The following DOK6 variants were observed in gnomAD, a reference collection of about 807,000 sequenced individuals.
The protein encoded by DOK6 is downstream of tyrosine kinase 6.
Under a neutral mutation model 44.0 loss-of-function variants are expected in DOK6, and 22 were observed. The observed-to-expected ratio is 0.50, with a 90% CI of 0.36 to 0.71. The LOEUF (loss-of-function observed/expected upper bound fraction) is 0.71, where lower values mean the gene tolerates loss of function less well. Ranked by LOEUF, DOK6 falls within the 30% of genes least tolerant of loss-of-function variation. DOK6 has a pLI of 0.00. For synonymous variants in DOK6, 166 were observed against 145.5 expected (o/e 1.14, Z -1.01); for missense variants, 340 against 416.4 (o/e 0.82, Z 1.60).
At chr18:69,748,732 G>A (rs1007579008) in intron 6 of DOK6, among the ~76,000 whole-genome samples, 2 of 152,166 alleles carry the variant, frequency 1.3e-5, no homozygotes, top group African/African-American at 4.8e-5. Flanking sequence ...TTCAACCATT[G>A]TGGAACATGG....
intron 2 of DOK6, among the ~76,000 whole-genome samples, chr18:69,568,477 C>T (rs1983038647): frequency 6.6e-6 from 1 of 152,290 alleles, no homozygotes; most frequent in East Asian, 1.9e-4. Context: ...GATCTGGAAT[C>T]AAGGGAATGA....
At chr18:69,455,001 T>C (rs1309885305) in intron 1 of DOK6, among the ~76,000 whole-genome samples, 2 of 147,626 alleles carry the variant, frequency 1.4e-5, no homozygotes, top group African/African-American at 5.0e-5. Flanking sequence ...ATGGCACATG[T>C]ATACATATGT....
intron 1 of DOK6, among the ~76,000 whole-genome samples, chr18:69,542,246 T>C (rs1383125875): frequency 6.6e-6 from 1 of 151,194 alleles, no homozygotes; most frequent in African/African-American, 2.4e-5. Flanking sequence ...TTTAGTATTA[T>C]GCCAAACTTT....
intron 2 of DOK6, among the ~76,000 whole-genome samples, chr18:69,585,377 C>T (rs989549682): frequency 5.3e-5 from 8 of 152,044 alleles, no homozygotes; most frequent in African/African-American, 1.4e-4. Flanking sequence ...TTTGAACTTA[C>T]TAAGACTTTT....
At chr18:69,836,562 A>G (rs1372833109) in intron 7 of DOK6, among the ~76,000 whole-genome samples, 1 of 152,250 alleles carries the variant, frequency 6.6e-6, no homozygotes, top group African/African-American at 2.4e-5. Flanking sequence ...TAAAACAAAC[A>G]TGAATGCACA....
chr18:69,614,683 A>G (rs1984243588), intron 3 of DOK6, among the ~76,000 whole-genome samples: 1 of 152,008 alleles, frequency 6.6e-6, no homozygotes, highest in African/African-American at 2.4e-5. Context: ...TTTGTTTTGC[A>G]TCCGTGTTAC....
At chr18:69,492,846 T>TTTTTTTTG (rs1980775145) in intron 1 of DOK6, among the ~76,000 whole-genome samples, 2 of 149,754 alleles carry the variant, frequency 1.3e-5, no homozygotes, top group Non-Finnish European at 3.0e-5. Context: ...TTTGGATTTT[T>TTTTTTTTG]AAGGATGGTG....
intron 1 of DOK6, among the ~76,000 whole-genome samples, chr18:69,447,368 T>A (rs1051939777): frequency 2.6e-5 from 4 of 152,192 alleles, no homozygotes; most frequent in African/African-American, 9.7e-5. Flanking sequence ...TGGTTGTAGA[T>A]GTGTGGAGTT....
intron 7 of DOK6, among the ~76,000 whole-genome samples, chr18:69,779,063 G>A (rs1980170763): frequency 1.3e-5 from 2 of 152,086 alleles, no homozygotes; most frequent in Admixed American, 1.3e-4. Context: ...AGCATTAGAT[G>A]CTTATTGCCA....
intron 3 of DOK6, among the ~76,000 whole-genome samples, chr18:69,613,533 A>G (rs1475031400): frequency 6.6e-6 from 1 of 152,208 alleles, no homozygotes; most frequent in Non-Finnish European, 1.5e-5. Flanking sequence ...ATGAAGAGAA[A>G]TAAAGGGAAA....
At chr18:69,650,802 T>C (rs1985204129) in intron 3 of DOK6, among the ~76,000 whole-genome samples, 1 of 152,230 alleles carries the variant, frequency 6.6e-6, no homozygotes, top group South Asian at 2.1e-4. Context: ...AAAAAATTTG[T>C]CTTCCAACTC....
At chr18:69,451,964 A>G (rs1979480525) in intron 1 of DOK6, among the ~76,000 whole-genome samples, 1 of 133,494 alleles carries the variant, frequency 7.5e-6, no homozygotes, top group African/African-American at 2.8e-5. Context: ...AAAGCAGGAA[A>G]GATCCAAAAT....
At chr18:69,803,033 A>G (rs980665956) in intron 7 of DOK6, among the ~76,000 whole-genome samples, 1 of 152,130 alleles carries the variant, frequency 6.6e-6, no homozygotes, top group South Asian at 2.1e-4. Context: ...TAGCTATTAA[A>G]TGATATATGA....
intron 7 of DOK6, among the ~76,000 whole-genome samples, chr18:69,787,836 A>G (rs546153268): frequency 6.6e-6 from 1 of 152,218 alleles, no homozygotes; most frequent in Non-Finnish European, 1.5e-5. Context: ...CTTTATTGTC[A>G]TACTTAAAAG....
At chr18:69,762,052 C>T (rs983065746) in intron 7 of DOK6, among the ~76,000 whole-genome samples, 4 of 152,138 alleles carry the variant, frequency 2.6e-5, no homozygotes, top group Non-Finnish European at 5.9e-5. Context: ...GAAAGTTCAA[C>T]TTGGAAGAGG....
chr18:69,754,678 A>G (rs1428631862), intron 6 of DOK6, among the ~76,000 whole-genome samples: 1 of 152,158 alleles, frequency 6.6e-6, no homozygotes, highest in Non-Finnish European at 1.5e-5. Flanking sequence ...TTAGATGGGC[A>G]CTTCCTTGCT....
intron 3 of DOK6, among the ~76,000 whole-genome samples, chr18:69,617,407 C>A: frequency 7.7e-6 from 1 of 130,304 alleles, no homozygotes. Context: ...AAAGACTGAG[C>A]GATAGGAGAA....
intron 5 of DOK6, chr18:69,724,976 A>G (rs1308961941): frequency 1.3e-5 from 2 of 152,226 alleles, no homozygotes; most frequent in Non-Finnish European, 2.9e-5. Flanking sequence ...TTACTTCTAA[A>G]TATCTGAAAT....
intron 7 of DOK6, among the ~76,000 whole-genome samples, chr18:69,794,684 G>A (rs558952779): frequency 1.4e-4 from 22 of 152,248 alleles, no homozygotes; most frequent in African/African-American, 5.1e-4. Context: ...TAGAAACCAG[G>A]CCACAGAGCA....
Sources: allele counts gnomAD v4.1 joint callset (sites outside exome capture counted in the v4.1 genomes callset), GRCh38; gene constraint gnomAD v4.1.1; transcripts MANE v1.5; gene names NCBI Gene and HGNC (gene_info 2026-07-23, HGNC 2026-07-21).